MYO5A: variants seen among roughly 807,000 people sequenced by gnomAD.
The protein encoded by MYO5A is unconventional myosin-Va.
In MYO5A, 98 loss-of-function variants were observed where a neutral mutation model predicts 249.7. The ratio of observed to expected loss-of-function variants is 0.39; its 90% CI spans 0.33 to 0.46. The LOEUF (loss-of-function observed/expected upper bound fraction) is 0.46, where lower values mean the gene tolerates loss of function less well. Ranked by LOEUF, MYO5A falls within the 20% of genes least tolerant of loss-of-function variation. The pLI is 0.98. For missense variants in MYO5A, 1,696 were observed against 2,308.8 expected (o/e 0.73, Z 5.44); for synonymous variants, 778 against 810.6 (o/e 0.96, Z 0.68).
chr15:52,370,841 A>T (rs2141086754), intron 21 of MYO5A, among the ~76,000 whole-genome samples: 1 of 152,312 alleles, frequency 6.6e-6, no homozygotes, highest in Non-Finnish European at 1.5e-5. Flanking sequence ...GGCCAGGTGT[A>T]GTGGCTCACA....
chr15:52,526,943 G>T (rs1041508243), intron 1 of MYO5A, among the ~76,000 whole-genome samples: 2 of 152,036 alleles, frequency 1.3e-5, no homozygotes, highest in Admixed American at 1.3e-4. Flanking sequence ...CAATCTTTTG[G>T]CTTCCCTGGG....
chr15:52,323,079 A>G (rs1387600092), intron 37 of MYO5A, among the ~76,000 whole-genome samples: 1 of 152,228 alleles, frequency 6.6e-6, no homozygotes, highest in Non-Finnish European at 1.5e-5. Context: ...AATGCCCACT[A>G]AAACATACTG....
At chr15:52,502,291 T>TATACATAC (rs150161899) in intron 1 of MYO5A, among the ~76,000 whole-genome samples, 53 of 151,654 alleles carry the variant, frequency 3.5e-4, no homozygotes, top group African/African-American at 9.2e-4. Context: ...CCAATACATA[T>TATACATAC]ATACATACAT....
At chr15:52,474,681 T>C (rs2076552259) in intron 1 of MYO5A, among the ~76,000 whole-genome samples, 2 of 152,250 alleles carry the variant, frequency 1.3e-5, no homozygotes, top group Admixed American at 6.5e-5. Flanking sequence ...GTTTTTATGA[T>C]GGATTACATT....
intron 1 of MYO5A, among the ~76,000 whole-genome samples, chr15:52,484,643 A>ATGTT (rs1235269228): frequency 3.9e-5 from 6 of 152,162 alleles, no homozygotes; most frequent in East Asian, 1.9e-4. Flanking sequence ...TCTGATTTCA[A>ATGTT]TGTTTGTTTG....
chr15:52,375,164 A>G, intron 20 of MYO5A, 140 bp downstream of exon 20: 1 of 868,106 alleles, frequency 1.2e-6, no homozygotes, highest in Non-Finnish European at 1.7e-6. Context: ...ATTTTTTAAA[A>G]TAAATAAATA....
At chr15:52,432,017 G>C (rs1292042042) in intron 2 of MYO5A, among the ~76,000 whole-genome samples, 1 of 151,902 alleles carries the variant, frequency 6.6e-6, no homozygotes, top group Non-Finnish European at 1.5e-5. Flanking sequence ...ATCTAAGAGA[G>C]ATCTCAATGA....
chr15:52,361,190 T>C (rs1407598431), intron 24 of MYO5A, among the ~76,000 whole-genome samples: 2 of 152,162 alleles, frequency 1.3e-5, no homozygotes, highest in Non-Finnish European at 2.9e-5. Flanking sequence ...GGGACAATCA[T>C]CACACATGAA....
intron 1 of MYO5A, among the ~76,000 whole-genome samples, chr15:52,486,342 G>C (rs1456072200): frequency 6.6e-6 from 1 of 152,216 alleles, no homozygotes; most frequent in Non-Finnish European, 1.5e-5. Context: ...GGTTGAGTGA[G>C]TCAAAGTAGC....
At chr15:52,498,075 T>C (rs1256414423) in intron 1 of MYO5A, among the ~76,000 whole-genome samples, 2 of 151,314 alleles carry the variant, frequency 1.3e-5, no homozygotes, top group Non-Finnish European at 3.0e-5. Flanking sequence ...TCAAAGAAAG[T>C]AGAAAAAAGA....
chr15:52,390,862 C>A (rs991064055), intron 12 of MYO5A, among the ~76,000 whole-genome samples: 7 of 152,116 alleles, frequency 4.6e-5, no homozygotes, highest in Non-Finnish European at 1.0e-4. Context: ...GCCCGGCCTT[C>A]TTTAACTCTC....
chr15:52,441,027 A>C (rs965680184), intron 1 of MYO5A, among the ~76,000 whole-genome samples: 16 of 152,220 alleles, frequency 1.1e-4, no homozygotes, highest in African/African-American at 3.9e-4. Context: ...TGGGCTTTGA[A>C]CTAAAGCAGG....
intron 1 of MYO5A, among the ~76,000 whole-genome samples, chr15:52,510,142 ACT>A (rs1566868921): frequency 6.6e-6 from 1 of 151,026 alleles, no homozygotes; most frequent in African/African-American, 2.4e-5. Context: ...TCTGGCTGAG[ACT>A]CTGTTTTCCT....
At chr15:52,424,677 T>G (rs1262184140) in intron 4 of MYO5A, among the ~76,000 whole-genome samples, 1 of 152,232 alleles carries the variant, frequency 6.6e-6, no homozygotes, top group African/African-American at 2.4e-5. Context: ...TCTGCAGTAT[T>G]AGTTTTCTTT....
intron 1 of MYO5A, among the ~76,000 whole-genome samples, chr15:52,517,465 A>G (rs986829009): frequency 6.6e-6 from 1 of 152,206 alleles, no homozygotes; most frequent in Non-Finnish European, 1.5e-5. Context: ...TGGGCAGATC[A>G]CCTGAGGTCA....
At chr15:52,456,024 T>C (rs567040839) in intron 1 of MYO5A, among the ~76,000 whole-genome samples, 1 of 152,100 alleles carries the variant, frequency 6.6e-6, no homozygotes, top group Non-Finnish European at 1.5e-5. Context: ...CAAATTACCC[T>C]TGCTCGCAGA....
chr15:52,511,524 T>C (rs371980399), intron 1 of MYO5A, among the ~76,000 whole-genome samples: 42 of 152,362 alleles, frequency 2.8e-4, no homozygotes, highest in African/African-American at 9.6e-4. Flanking sequence ...CCATTAAATA[T>C]GCATGCAAGA....
In MYO5A at chr15:52,375,480, T is replaced by C. The variant is rs1027427993; in HGVS notation, c.2421-20A>G. On this transcript the variant is annotated intron_variant, in intron 19 of 41. Coordinates refer to ENST00000399233, the MANE Select transcript of MYO5A (RefSeq NM_001382347.1). ...GCATAGCTGGCCAAAGAAAATAACA[T>C]TATGTTGTCAGTAATCAGAAAAAAA... The C allele has an allele frequency of 5.0e-6, 8 of 1,613,746 alleles. No individual in the cohort carries two copies. The highest frequency in any genetic ancestry group is 6.8e-6 in the Non-Finnish European group (8 of 1,179,800).
chr15:52,353,488 A>G lies in MYO5A; in HGVS notation c.3621+117T>C, dbSNP rs75933440. 7.0e-3 allele frequency: 5,894 copies of G among 844,594 alleles called. 221 individuals carry two copies. In the African/African-American group the frequency reaches 0.088, roughly 13 times the overall value. 52.3% of individuals were successfully genotyped at this position (844,594 alleles called of 1,614,324 possible). A position where few individuals can be genotyped will look rare whatever the true frequency, so the allele number is the denominator to read the frequency against. ...AGTAATGCTGAATAAGGCTGAAGCT[A>G]GGACCTCTGGTGCAATCTCCAACCC... is the stretch of plus-strand genomic sequence containing the variant. On this transcript the variant is annotated intron_variant, in intron 27 of 41. Transcript: ENST00000399233.
Sources: allele counts gnomAD v4.1 joint callset (sites outside exome capture counted in the v4.1 genomes callset), GRCh38; gene constraint gnomAD v4.1.1; transcripts MANE v1.5; gene names NCBI Gene and HGNC (gene_info 2026-07-23, HGNC 2026-07-21).